The following BCKDHB variants were observed in gnomAD, a reference collection of about 807,000 sequenced individuals.
BCKDHB encodes the protein branched chain keto acid dehydrogenase E1 subunit beta.
A neutral mutation model predicts 48.5 loss-of-function variants in BCKDHB; 41 were observed. The ratio of observed to expected loss-of-function variants is 0.85; its 90% CI spans 0.66 to 1.10. BCKDHB has a LOEUF of 1.10. Among genes scored for constraint, BCKDHB ranks in the 50% least tolerant of loss-of-function variants. The pLI is 0.00. For missense variants in BCKDHB, 496 were observed against 494.2 expected (o/e 1.00, Z -0.03); for synonymous variants, 201 against 174.8 (o/e 1.15, Z -1.18).
chr6:80,367,830 A>C, the BCKDHB span, among the ~76,000 whole-genome samples: 1 of 12,562 alleles, frequency 8.0e-5, no homozygotes, highest in African/African-American at 8.6e-5. Context: ...AAGGCCAGGA[A>C]TGGTGGGGCA....
intron 8 of BCKDHB, among the ~76,000 whole-genome samples, chr6:80,246,967 C>A (rs1486453962): frequency 6.6e-6 from 1 of 151,884 alleles, no homozygotes; most frequent in African/African-American, 2.4e-5. Context: ...GTCCTTATTT[C>A]ATCCTAGAAG....
At chr6:80,401,782 T>G in the BCKDHB span, among the ~76,000 whole-genome samples, 1 of 151,910 alleles carries the variant, frequency 6.6e-6, no homozygotes. Flanking sequence ...GCTGTACTTC[T>G]GTGAGTTTGA....
chr6:80,414,582 A>G, the BCKDHB span, among the ~76,000 whole-genome samples: 1 of 152,146 alleles, frequency 6.6e-6, no homozygotes, highest in African/African-American at 2.4e-5. Context: ...GGGTGCAGCC[A>G]TACTTCTGGG....
chr6:80,205,561 T>A (rs1335821711), intron 8 of BCKDHB, among the ~76,000 whole-genome samples: 1 of 152,098 alleles, frequency 6.6e-6, no homozygotes, highest in Non-Finnish European at 1.5e-5. Context: ...TTGGAAGTTA[T>A]AAACCAAAAT....
At chr6:80,213,659 T>G (rs74991021) in intron 8 of BCKDHB, among the ~76,000 whole-genome samples, 42 of 136,866 alleles carry the variant, frequency 3.1e-4, no homozygotes, top group Non-Finnish European at 4.6e-4. Context: ...TTGGGAAGTG[T>G]TTTTTTTTGT....
Position 80,168,965 on chromosome 6 carries a change from G to C in BCKDHB, c.568G>C (p.Gly190Arg). 6.2e-7 allele frequency: 1 copy of C among 1,614,130 alleles called. No individual in the cohort carries two copies. The highest frequency in any genetic ancestry group is 8.5e-7 in the Non-Finnish European group (1 of 1,179,988). The change falls in exon 5 of 10, where the codon GGT (glycine) becomes CGT (arginine). Residue 190 changes from glycine (G) to arginine (R), a missense_variant. Gly to Arg is a moderately radical substitution (Grantham distance 125). Coordinates refer to ENST00000320393, the MANE Select transcript of BCKDHB (RefSeq NM_183050.4). ...TATCCGGTCCCCTTGGGGCTGTGTT[G>C]GTCATGGGGCTCTCTATCATTCTCA... The part of the protein sequence containing the change: ...LTIRSPWGCV[G>R]HGALYHSQSP...
the BCKDHB span, among the ~76,000 whole-genome samples, chr6:80,392,651 AT>A: frequency 1.3e-5 from 2 of 151,196 alleles, no homozygotes; most frequent in African/African-American, 4.9e-5. Context: ...TTTTCTTGTA[AT>A]TTTTTTGATG....
rs149967589 is a variant in BCKDHB, at chr6:80,234,916, G to A, written c.951+31704G>A. ...AGTAACATGGCCGGAAAGTCAGGCC[G>A]AGGAAGACAAATACATGTTCTCATT... On this transcript the variant is annotated intron_variant, in intron 8 of 9. Coordinates refer to ENST00000320393, the MANE Select transcript of BCKDHB (RefSeq NM_183050.4). 7.0e-3 allele frequency among the ~76,000 whole-genome samples: 1,061 copies of A among 152,200 alleles called. 7 individuals carry two copies. The highest frequency in any genetic ancestry group is 0.012 in the Non-Finnish European group (830 of 68,000).
At chr6:80,433,360 C>G in the BCKDHB span, among the ~76,000 whole-genome samples, 3 of 152,160 alleles carry the variant, frequency 2.0e-5, no homozygotes, top group African/African-American at 7.2e-5. Flanking sequence ...GATGCCCTGC[C>G]CAGAGAGGAG....
the BCKDHB span, chr6:80,374,087 T>C: frequency 2.0e-3 from 1,380 of 697,242 alleles, 4 homozygotes; most frequent in Non-Finnish European, 2.6e-3. Flanking sequence ...CAACTTCTTC[T>C]TCTGGTTTAG....
At chr6:80,243,948 A>G (rs1256365848) in intron 8 of BCKDHB, among the ~76,000 whole-genome samples, 1 of 152,262 alleles carries the variant, frequency 6.6e-6, no homozygotes, top group African/African-American at 2.4e-5. Flanking sequence ...AATTTATCTA[A>G]AGATGAATCA....
chr6:80,163,784 C>T lies in BCKDHB; in HGVS notation c.344-3894C>T, dbSNP rs565223793. Among the ~76,000 whole-genome samples the T allele has an allele frequency of 1.6e-3, 240 of 152,278 alleles. 3 individuals are homozygous for T. The highest frequency in any genetic ancestry group is 5.5e-3 in the African/African-American group (229 of 41,556). ...ACCCAACATGCTTCTTCACAGTTTT[C>T]CCTTTCTCAGTTACTGGGAACTCTG... is the stretch of plus-strand genomic sequence containing the variant. On this transcript the variant is annotated intron_variant, in intron 3 of 9. Transcript: ENST00000320393.
intron 9 of BCKDHB, among the ~76,000 whole-genome samples, chr6:80,307,136 C>G (rs1047475411): frequency 6.6e-6 from 1 of 152,184 alleles, no homozygotes; most frequent in African/African-American, 2.4e-5. Context: ...TCCCAAGAGG[C>G]ATAATGGCCT....
At position 80,167,784 on chromosome 6, in the gene BCKDHB, A is replaced by G; in HGVS notation, c.450A>G (p.Ala150=). 1 of 1,613,958 alleles carries G rather than the reference A, an allele frequency of 6.2e-7. No individual in the cohort carries two copies. The change falls in exon 4 of 10, where the codon GCA becomes GCG. Residue 150 remains alanine, a synonymous_variant. Transcript: ENST00000320393. ...CTGCCATTGCGGAAATTCAGTTTGCAGATTATATTTTCCCTGCATTTGATC... is the reference window on the plus strand; with the variant it reads ...CTGCCATTGCGGAAATTCAGTTTGCGGATTATATTTTCCCTGCATTTGATC... ...GATAIAEIQF[A]DYIFPAFDQI...
At chr6:80,425,289 A>G in the BCKDHB span, among the ~76,000 whole-genome samples, 2 of 152,210 alleles carry the variant, frequency 1.3e-5, no homozygotes, top group Non-Finnish European at 2.9e-5. Context: ...ATTCAAGACT[A>G]AAATACTTAA....
At chr6:80,270,931 G>C (rs638921) in intron 8 of BCKDHB, among the ~76,000 whole-genome samples, 140,926 of 152,196 alleles carry the variant, frequency 0.93, 65,393 homozygotes, top group East Asian at 0.99. Context: ...ATTTTTAAAT[G>C]TTTGGCACTA....
At chr6:80,315,226 A>T (rs1208373453) in intron 9 of BCKDHB, among the ~76,000 whole-genome samples, 1 of 152,172 alleles carries the variant, frequency 6.6e-6, no homozygotes, top group Non-Finnish European at 1.5e-5. Flanking sequence ...CTGCCTGAGC[A>T]ACCGCTCTGT....
intron 8 of BCKDHB, among the ~76,000 whole-genome samples, chr6:80,257,975 CAT>C (rs149335342): frequency 6.6e-5 from 10 of 150,760 alleles, no homozygotes; most frequent in African/African-American, 1.5e-4. Flanking sequence ...ACCATCACAA[CAT>C]ATATATATAT....
At chr6:80,267,809 T>G (rs949986098) in intron 8 of BCKDHB, among the ~76,000 whole-genome samples, 1 of 152,052 alleles carries the variant, frequency 6.6e-6, no homozygotes, top group Non-Finnish European at 1.5e-5. Context: ...TTCCCAAATG[T>G]TTTATTTCTT....
Sources: allele counts gnomAD v4.1 joint callset (sites outside exome capture counted in the v4.1 genomes callset), GRCh38; gene constraint gnomAD v4.1.1; transcripts MANE v1.5; gene names NCBI Gene and HGNC (gene_info 2026-07-23, HGNC 2026-07-21).